The following THSD7B variants were observed in gnomAD, a reference collection of about 807,000 sequenced individuals.
The protein encoded by THSD7B is thrombospondin type-1 domain-containing protein 7B.
Under a neutral mutation model 213.6 loss-of-function variants are expected in THSD7B, and 138 were observed. The ratio of observed to expected loss-of-function variants is 0.65; its 90% CI spans 0.56 to 0.74. THSD7B has a LOEUF of 0.74. Ranked by LOEUF, THSD7B falls within the 30% of genes least tolerant of loss-of-function variation. The pLI, the probability that THSD7B is intolerant of heterozygous loss-of-function variation, is 0.00. For synonymous variants in THSD7B, 742 were observed against 687.0 expected, an observed-to-expected ratio of 1.08 and a Z score of -1.25; for missense variants, 1,931 against 1,991.5, an observed-to-expected ratio of 0.97 and a Z score of 0.58.
chr2:137,551,388 C>G (rs1165398405), intron 15 of THSD7B, among the ~76,000 whole-genome samples: 1 of 152,124 alleles, frequency 6.6e-6, no homozygotes, highest in South Asian at 2.1e-4. Context: ...TTTCATTAAT[C>G]ACAATGGTGC....
chr2:137,593,751 T>A (rs553057501), intron 17 of THSD7B, among the ~76,000 whole-genome samples: 42 of 152,154 alleles, frequency 2.8e-4, no homozygotes, highest in Non-Finnish European at 5.4e-4. Context: ...AATGTTTTTT[T>A]GTGTTTTAGA....
At chr2:136,903,954 GTGTGTGTGTGTGTGTGTGTT>G (rs1448935937) in intron 2 of THSD7B, among the ~76,000 whole-genome samples, 6,238 of 84,824 alleles carry the variant, frequency 0.074, 187 homozygotes, top group South Asian at 0.15. Context: ...GTGTGTGTGT[GTGTGTGTGTGTGTGTGTGTT>G]TGTTTGTTTC....
At chr2:137,274,414 A>G (rs766820685) in intron 11 of THSD7B, among the ~76,000 whole-genome samples, 7 of 152,084 alleles carry the variant, frequency 4.6e-5, no homozygotes, top group Non-Finnish European at 1.0e-4. Flanking sequence ...ACTTCTCTCA[A>G]CACATTAAGT....
intron 14 of THSD7B, among the ~76,000 whole-genome samples, chr2:137,423,891 T>C (rs1488126676): frequency 6.6e-6 from 1 of 152,088 alleles, no homozygotes; most frequent in Non-Finnish European, 1.5e-5. Context: ...TTGAAAGAGA[T>C]ACACTCTCTA....
intron 15 of THSD7B, among the ~76,000 whole-genome samples, chr2:137,555,744 G>A (rs562553158): frequency 2.3e-4 from 35 of 152,114 alleles, no homozygotes; most frequent in South Asian, 8.3e-4. Flanking sequence ...TAAACTTCTC[G>A]GAGCTAAAGG....
At chr2:137,640,030 T>C (rs896221695) in intron 20 of THSD7B, among the ~76,000 whole-genome samples, 2 of 152,136 alleles carry the variant, frequency 1.3e-5, no homozygotes, top group Non-Finnish European at 2.9e-5. Context: ...TTATTGGTTT[T>C]GAAATGTGAG....
At chr2:137,482,378 T>C (rs2375572) in intron 15 of THSD7B, among the ~76,000 whole-genome samples, 103,541 of 152,050 alleles carry the variant, frequency 0.68, 37,164 homozygotes, top group Non-Finnish European at 0.8. Context: ...CAGGATTAAA[T>C]AAAATTAAAT....
chr2:137,535,080 G>A (rs901537321), intron 15 of THSD7B, among the ~76,000 whole-genome samples: 1 of 151,690 alleles, frequency 6.6e-6, no homozygotes, highest in Non-Finnish European at 1.5e-5. Flanking sequence ...ACTACAAAAA[G>A]TTGTGAATAC....
chr2:136,769,310 C>T (rs1206082917), intron 1 of THSD7B, among the ~76,000 whole-genome samples: 10 of 152,150 alleles, frequency 6.6e-5, no homozygotes, highest in Non-Finnish European at 1.5e-4. Context: ...GCTAGTTATA[C>T]AAAATATAGA....
chr2:136,774,603 G>C (rs528278896), intron 1 of THSD7B, among the ~76,000 whole-genome samples: 343 of 152,124 alleles, frequency 2.3e-3, no homozygotes, highest in Non-Finnish European at 4.2e-3. Context: ...AGTCTCTTTT[G>C]GTGGGGGGAT....
At chr2:136,904,982 G>A (rs931860570) in intron 2 of THSD7B, among the ~76,000 whole-genome samples, 2 of 152,204 alleles carry the variant, frequency 1.3e-5, no homozygotes, top group African/African-American at 4.8e-5. Flanking sequence ...ATCTGTGGGA[G>A]GGGAAGTGAC....
intron 15 of THSD7B, among the ~76,000 whole-genome samples, chr2:137,471,641 A>ATCTAGAGGATAAATTTATCT (rs1301861893): frequency 7.2e-5 from 11 of 152,034 alleles, no homozygotes; most frequent in African/African-American, 2.7e-4. Context: ...CCCCAGCCTC[A>ATCTAGAGGATAAATTTATCT]AGAGGATAAA....
intron 12 of THSD7B, among the ~76,000 whole-genome samples, chr2:137,329,885 CCT>C (rs1452039680): frequency 2.0e-5 from 3 of 152,084 alleles, no homozygotes; most frequent in African/African-American, 7.2e-5. Flanking sequence ...TGTGGCAGCC[CCT>C]GTCATCACAG....
intron 1 of THSD7B, among the ~76,000 whole-genome samples, chr2:136,867,353 G>A (rs914993818): frequency 6.6e-6 from 1 of 152,176 alleles, no homozygotes; most frequent in Non-Finnish European, 1.5e-5. Context: ...GGGTTTCCAT[G>A]CAGTGTGGAG....
At chr2:137,583,626 T>C (rs899548853) in intron 17 of THSD7B, among the ~76,000 whole-genome samples, 14 of 152,190 alleles carry the variant, frequency 9.2e-5, no homozygotes, top group African/African-American at 3.4e-4. Context: ...TTTTCTCAGG[T>C]TTGTCAAAGA....
chr2:136,908,726 C>A (rs537355261), intron 2 of THSD7B, among the ~76,000 whole-genome samples: 2 of 152,216 alleles, frequency 1.3e-5, no homozygotes, highest in African/African-American at 2.4e-5. Context: ...CAAAGCAACC[C>A]AGCTAGTGCC....
In THSD7B at chr2:137,328,358, A is replaced by G. The variant is rs554674787; in HGVS notation, c.2500+52332A>G. Among the ~76,000 whole-genome samples the G allele has an allele frequency of 7.9e-5, 12 of 152,320 alleles. No homozygotes were observed. In the South Asian group the frequency reaches 2.5e-3, roughly 32 times the overall value. On this transcript the variant is annotated intron_variant, in intron 12 of 27. Coordinates refer to ENST00000409968, the MANE Select transcript of THSD7B (RefSeq NM_001316349.2). ...AGATTTTTGAATGTCCTCTTACTCCAAGACTTAATTGTATTGAATTTCATA... is the reference window on the plus strand; with the variant it reads ...AGATTTTTGAATGTCCTCTTACTCCGAGACTTAATTGTATTGAATTTCATA...
At chr2:137,163,424 G>A (rs1041266179) in intron 6 of THSD7B, among the ~76,000 whole-genome samples, 2 of 152,192 alleles carry the variant, frequency 1.3e-5, no homozygotes. Context: ...GAAAATTTGG[G>A]CATAGTGACA....
intron 15 of THSD7B, among the ~76,000 whole-genome samples, chr2:137,555,637 T>C (rs1203428726): frequency 6.6e-6 from 1 of 151,610 alleles, no homozygotes; most frequent in African/African-American, 2.4e-5. Context: ...TCAGAGGGCC[T>C]CTCTTCCTCC....
Sources: gnomAD v4.1 joint callset for allele counts (sites outside exome capture counted in the v4.1 genomes callset) on GRCh38, gnomAD v4.1.1 for gene constraint, MANE v1.5 for transcripts, NCBI Gene and HGNC (gene_info 2026-07-23, HGNC 2026-07-21) for gene names.